GRB2: variants seen among roughly 807,000 people sequenced by gnomAD.
GRB2 encodes the protein growth factor receptor-bound protein 2.
In GRB2, 2 loss-of-function variants were observed where a neutral mutation model predicts 27.4. The observed-to-expected ratio is 0.07, with a 90% CI of 0.03 to 0.23. The LOEUF (loss-of-function observed/expected upper bound fraction) is 0.23, where lower values mean the gene tolerates loss of function less well. GRB2 is among the 10% of genes least tolerant of loss of function. GRB2 has a pLI of 1.00. For synonymous variants in GRB2, 94 were observed against 99.6 expected, an observed-to-expected ratio of 0.94 and a Z score of 0.33; for missense variants, 102 against 282.4, an observed-to-expected ratio of 0.36 and a Z score of 4.58.
chr17:75,398,074 C>T (rs1472976902), intron 1 of GRB2, among the ~76,000 whole-genome samples: 1 of 151,860 alleles, frequency 6.6e-6, no homozygotes, highest in Admixed American at 6.6e-5. Flanking sequence ...ACTCCCACCT[C>T]AGCCTCCCAA....
intron 2 of GRB2, among the ~76,000 whole-genome samples, chr17:75,378,181 G>T (rs1280441268): frequency 6.6e-6 from 1 of 151,506 alleles, no homozygotes; most frequent in Non-Finnish European, 1.5e-5. Flanking sequence ...CCTGCAGTCA[G>T]GAGTTCGAGA....
intron 2 of GRB2, among the ~76,000 whole-genome samples, chr17:75,359,101 G>A (rs2078759408): frequency 1.5e-5 from 2 of 136,498 alleles, no homozygotes; most frequent in Admixed American, 8.1e-5. Flanking sequence ...TGTAATCCCA[G>A]CTACTTGGGA....
intron 2 of GRB2, among the ~76,000 whole-genome samples, chr17:75,350,692 C>T (rs1459373304): frequency 6.6e-6 from 1 of 152,110 alleles, no homozygotes; most frequent in Non-Finnish European, 1.5e-5. Context: ...CAGGGTTTCA[C>T]CGTGTTAGCC....
chr17:75,396,604 T>C (rs1020460506), intron 1 of GRB2, among the ~76,000 whole-genome samples: 1 of 152,040 alleles, frequency 6.6e-6, no homozygotes, highest in African/African-American at 2.4e-5. Flanking sequence ...CCCAGGCTGG[T>C]CTCAAACTCC....
intron 2 of GRB2, among the ~76,000 whole-genome samples, chr17:75,384,245 G>A (rs1323529172): frequency 6.6e-6 from 1 of 152,174 alleles, no homozygotes; most frequent in Non-Finnish European, 1.5e-5. Context: ...TTTAAAATCA[G>A]GTTAAATCTC....
At chr17:75,391,219 G>C (rs1371748267) in intron 2 of GRB2, among the ~76,000 whole-genome samples, 1 of 151,846 alleles carries the variant, frequency 6.6e-6, no homozygotes, top group Non-Finnish European at 1.5e-5. Context: ...ATGGCATTAT[G>C]ACTTCATATC....
intron 4 of GRB2, among the ~76,000 whole-genome samples, chr17:75,325,091 A>G (rs1015321515): frequency 1.3e-5 from 2 of 152,068 alleles, no homozygotes; most frequent in Non-Finnish European, 2.9e-5. Context: ...AAGTAAATAA[A>G]ATAAAAGGAA....
chr17:75,352,874 G>GTT (rs374164944), intron 2 of GRB2, among the ~76,000 whole-genome samples: 42 of 147,508 alleles, frequency 2.8e-4, no homozygotes, highest in African/African-American at 4.8e-4. Flanking sequence ...AAGTTAACTT[G>GTT]TTTTTTTTTT....
intron 2 of GRB2, among the ~76,000 whole-genome samples, chr17:75,348,659 A>C (rs2078669442): frequency 1.3e-5 from 2 of 152,240 alleles, no homozygotes; most frequent in South Asian, 4.1e-4. Context: ...CACAGAATTC[A>C]CCGCTACATG....
chr17:75,395,177 G>T (rs1461350406), intron 1 of GRB2, among the ~76,000 whole-genome samples: 1 of 152,064 alleles, frequency 6.6e-6, no homozygotes, highest in Non-Finnish European at 1.5e-5. Flanking sequence ...AAAGCAGTGG[G>T]GAATATTAAG....
At chr17:75,402,591 C>G (rs954258971) in intron 1 of GRB2, among the ~76,000 whole-genome samples, 2 of 152,118 alleles carry the variant, frequency 1.3e-5, no homozygotes, top group African/African-American at 4.8e-5. Flanking sequence ...TATCAAAATC[C>G]ACCCATTCAG....
At chr17:75,353,457 T>C (rs1444153112) in intron 2 of GRB2, among the ~76,000 whole-genome samples, 2 of 92,108 alleles carry the variant, frequency 2.2e-5, no homozygotes, top group African/African-American at 5.0e-5. Flanking sequence ...CGAGTTTCTA[T>C]GCCCTTAAAA....
At chr17:75,386,888 G>A (rs563927220) in intron 2 of GRB2, among the ~76,000 whole-genome samples, 307 of 152,212 alleles carry the variant, frequency 2.0e-3, no homozygotes, top group Non-Finnish European at 3.5e-3. Context: ...TAAGAATGCC[G>A]ATCTTGGCCA....
intron 1 of GRB2, among the ~76,000 whole-genome samples, chr17:75,403,161 T>A (rs1248749168): frequency 1.5e-5 from 2 of 137,738 alleles, no homozygotes; most frequent in African/African-American, 5.2e-5. Context: ...AAAAAATATA[T>A]ATATATATAA....
At chr17:75,382,795 G>A (rs1047205127) in intron 2 of GRB2, among the ~76,000 whole-genome samples, 1 of 152,164 alleles carries the variant, frequency 6.6e-6, no homozygotes, top group Non-Finnish European at 1.5e-5. Context: ...TGCAAGCTCA[G>A]CCTTCCGGGT....
At chr17:75,394,446 A>G (rs2079017999) in intron 1 of GRB2, 2 of 152,228 alleles carry the variant, frequency 1.3e-5, no homozygotes, top group African/African-American at 4.8e-5. Flanking sequence ...CCAGAGAAAG[A>G]TCACAGCTCC....
At chr17:75,337,994 A>C (rs533338985) in intron 2 of GRB2, among the ~76,000 whole-genome samples, 145 of 150,008 alleles carry the variant, frequency 9.7e-4, no homozygotes, top group Non-Finnish European at 1.9e-3. Context: ...GCAGTGGCAC[A>C]ATCTCGGCTC....
At chr17:75,377,526 G>A (rs1481752741) in intron 2 of GRB2, among the ~76,000 whole-genome samples, 1 of 144,864 alleles carries the variant, frequency 6.9e-6, no homozygotes, top group Admixed American at 7.2e-5. Flanking sequence ...AGGCTGAAGT[G>A]GATGAAGTGC....
At chr17:75,374,032 C>A (rs1437803214) in intron 2 of GRB2, among the ~76,000 whole-genome samples, 1 of 151,486 alleles carries the variant, frequency 6.6e-6, no homozygotes, top group Admixed American at 6.6e-5. Context: ...CCTGACCTCA[C>A]GATCCGCCCA....
Sources: allele counts gnomAD v4.1 joint callset (sites outside exome capture counted in the v4.1 genomes callset), GRCh38; gene constraint gnomAD v4.1.1; transcripts MANE v1.5; gene names NCBI Gene and HGNC (gene_info 2026-07-23, HGNC 2026-07-21).